Variants in HTR2C observed in about 807,000 individuals in gnomAD.
The protein encoded by HTR2C is 5-hydroxytryptamine (serotonin) receptor 2C, G protein-coupled.
In HTR2C, 5 loss-of-function variants were observed where a neutral mutation model predicts 21.0. That is an observed-to-expected ratio of 0.24 (90% CI 0.12 to 0.50). The LOEUF (loss-of-function observed/expected upper bound fraction) is 0.50, where lower values mean the gene tolerates loss of function less well. Among genes scored for constraint, HTR2C ranks in the 20% least tolerant of loss-of-function variants. The pLI is 0.98. For synonymous variants in HTR2C, 150 were observed against 145.3 expected, an observed-to-expected ratio of 1.03 and a Z score of -0.23; for missense variants, 271 against 371.2, an observed-to-expected ratio of 0.73 and a Z score of 2.22.
Position 114,833,512 on chromosome X carries a change from T to C in HTR2C, c.350-14491T>C, listed in dbSNP as rs782079489. Among the ~76,000 whole-genome samples the C allele has an allele frequency of 1.3e-4, 14 of 111,766 alleles. No homozygotes were observed. The East Asian group carries it at 3.7e-3, about 29-fold the overall frequency. On this transcript the variant is annotated intron_variant, in intron 4 of 5. Transcript: ENST00000276198. ...TAGAGGTGTTTGTAGTATTCTCTGA[T>C]GGTAGTTTGTATTTCGGTGGGATTA...
intron 2 of HTR2C, among the ~76,000 whole-genome samples, chrX:114,637,574 C>T (rs1434150452): frequency 1.8e-5 from 2 of 111,614 alleles, no homozygotes; most frequent in East Asian, 2.8e-4. Flanking sequence ...GCAAACACAA[C>T]GTAAACCTCT....
At chrX:114,843,873 A>T (rs2070854063) in intron 4 of HTR2C, among the ~76,000 whole-genome samples, 1 of 111,557 alleles carries the variant, frequency 9.0e-6, no homozygotes, top group African/African-American at 3.3e-5. Context: ...TAAATCTGGC[A>T]AAGCTATCCT....
intron 2 of HTR2C, among the ~76,000 whole-genome samples, chrX:114,630,338 C>T (rs1025620317): frequency 2.7e-5 from 3 of 111,341 alleles, no homozygotes; most frequent in East Asian, 2.8e-4. Context: ...TACCAGATCC[C>T]GCACAAATGG....
At chrX:114,741,648 A>G (rs2069650640) in intron 4 of HTR2C, among the ~76,000 whole-genome samples, 1 of 101,880 alleles carries the variant, frequency 9.8e-6, no homozygotes, top group African/African-American at 3.5e-5. Context: ...CCAGCTTAAC[A>G]GAGCCCCCAC....
chrX:114,764,353 G>C (rs370419601), intron 4 of HTR2C, among the ~76,000 whole-genome samples: 1 of 101,441 alleles, frequency 9.9e-6, no homozygotes, highest in Non-Finnish European at 2.0e-5. Flanking sequence ...AGCCGAGATC[G>C]CACCATTGCA....
chrX:114,782,754 A>G (rs1228322269), intron 4 of HTR2C, among the ~76,000 whole-genome samples: 1 of 111,524 alleles, frequency 9.0e-6, no homozygotes, highest in Non-Finnish European at 1.9e-5. Flanking sequence ...GTAAGTGAGT[A>G]CATATTTTAA....
At chrX:114,724,163 A>C (rs1933347770) in intron 2 of HTR2C, among the ~76,000 whole-genome samples, 1 of 98,054 alleles carries the variant, frequency 1.0e-5, no homozygotes, top group African/African-American at 3.6e-5. Context: ...GTCTCTTTGT[A>C]GGTCACTCAA....
chrX:114,764,668 T>C (rs1289905866), intron 4 of HTR2C, among the ~76,000 whole-genome samples: 1 of 111,352 alleles, frequency 9.0e-6, no homozygotes, highest in Non-Finnish European at 1.9e-5. Context: ...AAGAAAACAA[T>C]GCACCAAAAG....
chrX:114,698,327 T>C (rs1035455288), intron 2 of HTR2C, among the ~76,000 whole-genome samples: 27 of 110,925 alleles, frequency 2.4e-4, no homozygotes, highest in African/African-American at 8.2e-4. Flanking sequence ...TGGGTTAGCA[T>C]GGTAGAAAAA....
At chrX:114,720,671 C>A (rs1238017566) in intron 2 of HTR2C, among the ~76,000 whole-genome samples, 8 of 46,050 alleles carry the variant, frequency 1.7e-4, no homozygotes, top group Non-Finnish European at 2.6e-4. Context: ...CCCCCCTCCC[C>A]CGACCCCACC....
chrX:114,745,154 GC>G (rs1423144991), intron 4 of HTR2C, among the ~76,000 whole-genome samples: 3 of 111,912 alleles, frequency 2.7e-5, no homozygotes, highest in Non-Finnish European at 5.6e-5. Context: ...TAAAAAATGG[GC>G]TAAATATTTG....
intron 2 of HTR2C, among the ~76,000 whole-genome samples, chrX:114,696,825 C>G (rs1812130988): frequency 9.1e-6 from 1 of 110,117 alleles, no homozygotes; most frequent in Non-Finnish European, 1.9e-5. Context: ...TAGCATTTAC[C>G]TCTTTATCGC....
At chrX:114,673,030 T>C (rs1556412037) in intron 2 of HTR2C, among the ~76,000 whole-genome samples, 1 of 112,034 alleles carries the variant, frequency 8.9e-6, no homozygotes, top group African/African-American at 3.2e-5. Flanking sequence ...TAACATTCTA[T>C]GATTCTTCAT....
intron 5 of HTR2C, among the ~76,000 whole-genome samples, chrX:114,895,316 G>A (rs1463713925): frequency 8.9e-6 from 1 of 111,868 alleles, no homozygotes; most frequent in Non-Finnish European, 1.9e-5. Context: ...CATTATACAT[G>A]AGGTAGTAGA....
intron 2 of HTR2C, among the ~76,000 whole-genome samples, chrX:114,681,611 T>A (rs1189334162): frequency 9.0e-6 from 1 of 111,397 alleles, no homozygotes; most frequent in Non-Finnish European, 1.9e-5. Flanking sequence ...ATAATGTTCC[T>A]CTTTCAATAA....
chrX:114,847,553 A>G (rs1344838624), intron 4 of HTR2C, among the ~76,000 whole-genome samples: 3 of 103,884 alleles, frequency 2.9e-5, no homozygotes, highest in African/African-American at 1.0e-4. Context: ...TAACCTGCAC[A>G]TTGTGCACAT....
intron 2 of HTR2C, among the ~76,000 whole-genome samples, chrX:114,663,501 A>G (rs1556410499): frequency 8.9e-6 from 1 of 112,080 alleles, no homozygotes; most frequent in Non-Finnish European, 1.9e-5. Flanking sequence ...AAAGTAAAAA[A>G]TTAAAAAGCT....
intron 5 of HTR2C, among the ~76,000 whole-genome samples, chrX:114,865,765 T>G (rs1427727461): frequency 8.9e-6 from 1 of 111,735 alleles, no homozygotes; most frequent in Non-Finnish European, 1.9e-5. Context: ...ATTTGTATAT[T>G]CTTGGTAAAA....
chrX:114,617,794 C>CTA, intron 2 of HTR2C, among the ~76,000 whole-genome samples: 1 of 111,656 alleles, frequency 9.0e-6, no homozygotes, highest in East Asian at 2.8e-4. Flanking sequence ...ATAATTTGTT[C>CTA]TATATATAGC....
Sources: gnomAD v4.1 joint callset for allele counts (sites outside exome capture counted in the v4.1 genomes callset) on GRCh38, gnomAD v4.1.1 for gene constraint, MANE v1.5 for transcripts, NCBI Gene and HGNC (gene_info 2026-07-23, HGNC 2026-07-21) for gene names.